GRAMD2B: variants seen among roughly 807,000 people sequenced by gnomAD.
The protein encoded by GRAMD2B is GRAM domain-containing protein 2B.
Under a neutral mutation model 59.2 loss-of-function variants are expected in GRAMD2B, and 41 were observed. The observed-to-expected ratio is 0.69, with a 90% CI of 0.54 to 0.90. The LOEUF is 0.90. Among genes scored for constraint, GRAMD2B ranks in the 40% least tolerant of loss-of-function variants. GRAMD2B has a pLI of 0.00. For synonymous variants in GRAMD2B, 161 were observed against 182.7 expected (o/e 0.88, Z 0.96); for missense variants, 424 against 500.5 (o/e 0.85, Z 1.46).
intron 9 of GRAMD2B, among the ~76,000 whole-genome samples, chr5:126,483,860 G>GTTTTT (rs1198493250): frequency 1.3e-5 from 2 of 152,134 alleles, no homozygotes; most frequent in African/African-American, 2.4e-5. Flanking sequence ...TTTTGTTTTT[G>GTTTTT]TTTTTGTTTT....
intron 1 of GRAMD2B, among the ~76,000 whole-genome samples, chr5:126,450,234 G>A (rs1244351559): frequency 1.3e-5 from 2 of 152,210 alleles, no homozygotes; most frequent in East Asian, 3.9e-4. Flanking sequence ...GTGGAGAGGG[G>A]TGCCTCAAAA....
chr5:126,435,809 C>T (rs1762318179), intron 1 of GRAMD2B, among the ~76,000 whole-genome samples: 1 of 152,142 alleles, frequency 6.6e-6, no homozygotes, highest in Non-Finnish European at 1.5e-5. Context: ...GTGGTTTGGC[C>T]TCTTTATTTT....
chr5:126,395,852 T>C lies in GRAMD2B; in HGVS notation c.125+24285T>C, dbSNP rs116161957. Reference sequence around the variant, plus strand: ...AATTAAATTGTACATATGTATAAGGTGTATGATGTGATGTTTTGATATACA... The same window carrying C: ...AATTAAATTGTACATATGTATAAGGCGTATGATGTGATGTTTTGATATACA... On this transcript the variant is annotated intron_variant, in intron 1 of 8. Transcript: ENST00000506445. Among the ~76,000 whole-genome samples, 1,169 of 152,302 alleles carry C rather than the reference T, an allele frequency of 7.7e-3. 9 individuals are homozygous for C. The highest frequency in any genetic ancestry group is 0.025 in the African/African-American group (1,055 of 41,544).
chr5:126,488,967 T>G, intron 13 of GRAMD2B, 75 bp downstream of exon 13: 1 of 1,001,932 alleles, frequency 1.0e-6, no homozygotes, highest in Non-Finnish European at 1.6e-6. Context: ...GGTCAGGGAT[T>G]ACACACTCAG....
chr5:126,450,647 G>T (rs1195446434), intron 1 of GRAMD2B, among the ~76,000 whole-genome samples: 1 of 96,094 alleles, frequency 1.0e-5, no homozygotes, highest in Non-Finnish European at 2.0e-5. Flanking sequence ...CATCCAGCCT[G>T]CTGTTAAAAA....
At chr5:126,373,911 T>A (rs1389331568) in intron 1 of GRAMD2B, among the ~76,000 whole-genome samples, 1 of 151,926 alleles carries the variant, frequency 6.6e-6, no homozygotes, top group African/African-American at 2.4e-5. Flanking sequence ...ATAAGGGGGG[T>A]TAGAGTTCTA....
intron 1 of GRAMD2B, among the ~76,000 whole-genome samples, chr5:126,462,611 T>A (rs1647797725): frequency 6.6e-6 from 1 of 152,170 alleles, no homozygotes; most frequent in African/African-American, 2.4e-5. Context: ...AAATGACCAC[T>A]GTGAGCAAAT....
intron 1 of GRAMD2B, among the ~76,000 whole-genome samples, chr5:126,442,678 G>C (rs953913714): frequency 6.6e-6 from 1 of 152,184 alleles, no homozygotes; most frequent in Non-Finnish European, 1.5e-5. Flanking sequence ...AAATCCGTCT[G>C]TAAATATTTC....
At chr5:126,464,637 A>G (rs958215053) in intron 1 of GRAMD2B, among the ~76,000 whole-genome samples, 3 of 152,134 alleles carry the variant, frequency 2.0e-5, no homozygotes, top group Admixed American at 6.5e-5. Flanking sequence ...TCCAACGCCT[A>G]TTGATCATGA....
intron 1 of GRAMD2B, among the ~76,000 whole-genome samples, chr5:126,412,128 G>A (rs12522472): frequency 0.11 from 17,388 of 151,760 alleles, 1,156 homozygotes; most frequent in East Asian, 0.22. Context: ...TTGCTCTGAC[G>A]AGGACTTCCA....
chr5:126,456,969 G>C (rs1766392895), intron 1 of GRAMD2B, among the ~76,000 whole-genome samples: 1 of 151,940 alleles, frequency 6.6e-6, no homozygotes, highest in African/African-American at 2.4e-5. Context: ...AAGGCAGGCA[G>C]ATCACAAGGT....
intron 1 of GRAMD2B, among the ~76,000 whole-genome samples, chr5:126,392,037 TGA>T (rs1306447000): frequency 6.6e-6 from 1 of 152,262 alleles, no homozygotes; most frequent in African/African-American, 2.4e-5. Context: ...ATTGGCTTGA[TGA>T]TTTTCAGAAA....
chr5:126,472,618 G>T (rs1769830764), intron 4 of GRAMD2B, among the ~76,000 whole-genome samples: 1 of 151,972 alleles, frequency 6.6e-6, no homozygotes, highest in African/African-American at 2.4e-5. Context: ...AACAAGCCTG[G>T]GGCAAGAGAG....
upstream of GRAMD2B, among the ~76,000 whole-genome samples, chr5:126,420,442 C>T (rs147501899): frequency 3.3e-3 from 502 of 152,324 alleles, 1 homozygote; most frequent in Admixed American, 4.8e-3. Context: ...TTGCTCCTTT[C>T]TAATTCTTCC....
chr5:126,447,470 C>G (rs561516089), intron 1 of GRAMD2B, among the ~76,000 whole-genome samples: 83 of 152,104 alleles, frequency 5.5e-4, no homozygotes, highest in Middle Eastern at 3.4e-3. Flanking sequence ...AGACCATCCT[C>G]GATAACACGG....
At chr5:126,403,992 C>CA (rs1204245862) in intron 1 of GRAMD2B, among the ~76,000 whole-genome samples, 1 of 151,632 alleles carries the variant, frequency 6.6e-6, no homozygotes, top group East Asian at 1.9e-4. Flanking sequence ...ACCACTTTGC[C>CA]AAAAAAGGAT....
intron 1 of GRAMD2B, among the ~76,000 whole-genome samples, chr5:126,387,595 T>C (rs1173386706): frequency 2.0e-5 from 3 of 151,748 alleles, no homozygotes; most frequent in Non-Finnish European, 4.4e-5. Context: ...TTTCTCCAAA[T>C]TCATATGCTG....
intron 1 of GRAMD2B, among the ~76,000 whole-genome samples, chr5:126,447,595 C>T (rs1581049630): frequency 2.0e-5 from 3 of 149,226 alleles, no homozygotes; most frequent in South Asian, 2.1e-4. Flanking sequence ...ACCCGGGAGG[C>T]GGAGCTTGCA....
intron 1 of GRAMD2B, among the ~76,000 whole-genome samples, chr5:126,432,826 T>G (rs778524117): frequency 7.2e-5 from 11 of 152,220 alleles, no homozygotes; most frequent in Non-Finnish European, 1.2e-4. Flanking sequence ...TCTGAAAATT[T>G]TAGAAAGAAT....
Sources: allele counts gnomAD v4.1 joint callset (sites outside exome capture counted in the v4.1 genomes callset), GRCh38; gene constraint gnomAD v4.1.1; transcripts MANE v1.5; gene names NCBI Gene and HGNC (gene_info 2026-07-23, HGNC 2026-07-21).